SLC41A2: variants seen among roughly 807,000 people sequenced by gnomAD.
SLC41A2 encodes SLC41A1-like 1.
A neutral mutation model predicts 58.3 loss-of-function variants in SLC41A2; 32 were observed. The ratio of observed to expected loss-of-function variants is 0.55; its 90% CI spans 0.41 to 0.74. The LOEUF is 0.74. Ranked by LOEUF, SLC41A2 falls within the 30% of genes least tolerant of loss-of-function variation. The pLI, the probability that SLC41A2 is intolerant of heterozygous loss-of-function variation, is 0.00. For missense variants in SLC41A2, 514 were observed against 680.6 expected (o/e 0.76, Z 2.72); for synonymous variants, 190 against 235.0 (o/e 0.81, Z 1.75).
intron 6 of SLC41A2, among the ~76,000 whole-genome samples, chr12:104,870,120 A>T (rs2043690479): frequency 6.6e-6 from 1 of 152,184 alleles, no homozygotes; most frequent in African/African-American, 2.4e-5. Context: ...GGATGGGAAT[A>T]TTATCCTGGA....
chr12:104,853,911 A>ATTATTATTATTATAATTTT, intron 8 of SLC41A2, among the ~76,000 whole-genome samples: 1 of 59,494 alleles, frequency 1.7e-5, no homozygotes, highest in Non-Finnish European at 3.2e-5. Flanking sequence ...TGCCTGGCTG[A>ATTATTATTATTATAATTTT]TTTTTTTTTT....
At chr12:104,945,280 C>A (rs551427980) in intron 1 of SLC41A2, among the ~76,000 whole-genome samples, 1 of 152,188 alleles carries the variant, frequency 6.6e-6, no homozygotes, top group Non-Finnish European at 1.5e-5. Context: ...GGGGTCAGAT[C>A]ACAAGGTCAG....
chr12:104,904,908 G>C (rs1402442232), intron 3 of SLC41A2, among the ~76,000 whole-genome samples: 3 of 152,086 alleles, frequency 2.0e-5, no homozygotes, highest in Non-Finnish European at 2.9e-5. Context: ...AAAGACCAAA[G>C]CTTCCACACT....
intron 6 of SLC41A2, among the ~76,000 whole-genome samples, chr12:104,877,868 C>T (rs1409770308): frequency 3.3e-5 from 5 of 151,770 alleles, no homozygotes; most frequent in African/African-American, 1.2e-4. Flanking sequence ...GGCATGGTAG[C>T]GTGTGCTTGT....
intron 3 of SLC41A2, among the ~76,000 whole-genome samples, chr12:104,905,394 G>A (rs1398048543): frequency 6.6e-6 from 1 of 152,220 alleles, no homozygotes; most frequent in Non-Finnish European, 1.5e-5. Flanking sequence ...CAATCCCTGA[G>A]CTAGATATAA....
chr12:104,873,466 G>A (rs1421171574), intron 6 of SLC41A2, among the ~76,000 whole-genome samples: 1 of 152,156 alleles, frequency 6.6e-6, no homozygotes, highest in African/African-American at 2.4e-5. Flanking sequence ...CTAGACAACC[G>A]TAAATAATGC....
chr12:104,835,291 T>A (rs1425571929), intron 10 of SLC41A2, among the ~76,000 whole-genome samples: 1 of 152,068 alleles, frequency 6.6e-6, no homozygotes, highest in African/African-American at 2.4e-5. Flanking sequence ...ATGTGTCAGA[T>A]CTCTCAAGTT....
chr12:104,878,302 TATATA>T (rs2044160825), intron 6 of SLC41A2, among the ~76,000 whole-genome samples: 8 of 19,432 alleles, frequency 4.1e-4, no homozygotes, highest in African/African-American at 2.3e-3. Flanking sequence ...CTGTATTTTA[TATATA>T]TATATATATA....
chr12:104,910,026 C>T (rs889322791), intron 2 of SLC41A2, among the ~76,000 whole-genome samples: 1 of 152,088 alleles, frequency 6.6e-6, no homozygotes, highest in Non-Finnish European at 1.5e-5. Context: ...GTTACACAAC[C>T]CTTATATTCC....
At chr12:104,883,070 G>C (rs985593843) in intron 6 of SLC41A2, among the ~76,000 whole-genome samples, 1 of 151,986 alleles carries the variant, frequency 6.6e-6, no homozygotes, top group South Asian at 2.1e-4. Flanking sequence ...TCATTCATTT[G>C]ATCTTCAATC....
At chr12:104,949,811 G>T (rs563520495) in intron 1 of SLC41A2, among the ~76,000 whole-genome samples, 1 of 152,126 alleles carries the variant, frequency 6.6e-6, no homozygotes, top group East Asian at 1.9e-4. Context: ...TCGAACTCCC[G>T]ACCTCAGGTG....
At chr12:104,846,146 A>G (rs2042592947) in intron 8 of SLC41A2, among the ~76,000 whole-genome samples, 172 bp from the exon 9 acceptor site, 1 of 152,228 alleles carries the variant, frequency 6.6e-6, no homozygotes, top group South Asian at 2.1e-4. Flanking sequence ...AAGGCATAAA[A>G]TCATTGTTAG....
chr12:104,805,429 G>A, intron 10 of SLC41A2, 92 bp from the exon 11 acceptor site: 2 of 985,062 alleles, frequency 2.0e-6, no homozygotes, highest in Non-Finnish European at 2.9e-6. Context: ...CTTCTGGAAG[G>A]GACCGTATGT....
chr12:104,807,260 A>T (rs1385973086), intron 10 of SLC41A2, among the ~76,000 whole-genome samples: 1 of 152,164 alleles, frequency 6.6e-6, no homozygotes, highest in Non-Finnish European at 1.5e-5. Context: ...TAAGGAAGGG[A>T]TCCAGTTTCA....
At chr12:104,919,516 C>T (rs1212729338) in intron 2 of SLC41A2, among the ~76,000 whole-genome samples, 1 of 152,172 alleles carries the variant, frequency 6.6e-6, no homozygotes, top group East Asian at 1.9e-4. Flanking sequence ...CCAGTGTTGT[C>T]ACTATGTTTT....
intron 10 of SLC41A2, among the ~76,000 whole-genome samples, chr12:104,806,260 C>T (rs1265378619): frequency 1.4e-4 from 22 of 151,806 alleles, no homozygotes; most frequent in East Asian, 3.9e-4. Context: ...TTCCCCTTCC[C>T]GTGTCCATGT....
At chr12:104,839,017 C>G (rs1345005288) in intron 10 of SLC41A2, among the ~76,000 whole-genome samples, 1 of 152,132 alleles carries the variant, frequency 6.6e-6, no homozygotes, top group Non-Finnish European at 1.5e-5. Context: ...CAGACATAGC[C>G]AAAGGCAAAG....
chr12:104,814,044 A>G (rs1483587331), intron 10 of SLC41A2, among the ~76,000 whole-genome samples: 1 of 152,244 alleles, frequency 6.6e-6, no homozygotes, highest in African/African-American at 2.4e-5. Context: ...ATGAATTTAC[A>G]CATATTTATG....
intron 7 of SLC41A2, among the ~76,000 whole-genome samples, chr12:104,862,216 T>G (rs190468664): frequency 5.3e-5 from 8 of 152,326 alleles, no homozygotes; most frequent in Non-Finnish European, 1.2e-4. Flanking sequence ...TCTTACCTGA[T>G]AGTTAACATT....
Sources: gnomAD v4.1 joint callset for allele counts (sites outside exome capture counted in the v4.1 genomes callset) on GRCh38, gnomAD v4.1.1 for gene constraint, MANE v1.5 for transcripts, NCBI Gene and HGNC (gene_info 2026-07-23, HGNC 2026-07-21) for gene names.